DOC2B: variants seen among roughly 807,000 people sequenced by gnomAD.
The protein encoded by DOC2B is double C2 domain beta.
Under a neutral mutation model 28.9 loss-of-function variants are expected in DOC2B, and 21 were observed. The ratio of observed to expected loss-of-function variants is 0.73; its 90% CI spans 0.52 to 1.05. The LOEUF (loss-of-function observed/expected upper bound fraction) is 1.05. DOC2B is among the 50% of genes least tolerant of loss of function. The pLI, the probability that DOC2B is intolerant of heterozygous loss-of-function variation, is 0.00. For missense variants in DOC2B, 384 were observed against 421.1 expected (o/e 0.91, Z 0.77); for synonymous variants, 194 against 178.1 (o/e 1.09, Z -0.71).
chr17:169,734 C>G (rs1038532723), intron 2 of DOC2B, among the ~76,000 whole-genome samples: 2 of 151,976 alleles, frequency 1.3e-5, no homozygotes, highest in East Asian at 1.9e-4. Context: ...CAGCCCCCAC[C>G]CTGGCCCTCC....
Position 180,590 on chromosome 17 carries a change from G to A in DOC2B, c.373+517C>T, listed in dbSNP as rs997001313. Reference sequence around the variant, plus strand: ...GCCAGCAAAGCAGCTGCGCTCTGCGGGCCGCCGGGACCACGCGGGAGGCCG... The same window carrying A: ...GCCAGCAAAGCAGCTGCGCTCTGCGAGCCGCCGGGACCACGCGGGAGGCCG... On this transcript the variant is annotated intron_variant, in intron 1 of 8. Transcript: ENST00000613549. Among the ~76,000 whole-genome samples, 9 of 152,228 alleles carry A rather than the reference G, an allele frequency of 5.9e-5. No homozygotes were observed. The East Asian group carries it at 1.5e-3, about 26-fold the overall frequency.
intron 2 of DOC2B, among the ~76,000 whole-genome samples, chr17:172,289 G>A (rs1189461534): frequency 2.0e-5 from 3 of 151,808 alleles, no homozygotes; most frequent in African/African-American, 4.8e-5. Context: ...CCTCGGTCCA[G>A]GCCTTCATCT....
intron 5 of DOC2B, among the ~76,000 whole-genome samples, chr17:157,236 G>C (rs915536746): frequency 2.6e-5 from 4 of 152,166 alleles, no homozygotes; most frequent in Non-Finnish European, 5.9e-5. Context: ...ACACCTTTGC[G>C]CACCCTTAAT....
At chr17:155,496 C>T (rs750341505) in intron 6 of DOC2B, among the ~76,000 whole-genome samples, 2 of 152,162 alleles carry the variant, frequency 1.3e-5, no homozygotes, top group Non-Finnish European at 2.9e-5. Flanking sequence ...TTCTGCTGAA[C>T]TAAATTCCTC....
intron 6 of DOC2B, 57 bp downstream of exon 6, chr17:156,163 G>A: frequency 6.7e-7 from 1 of 1,487,438 alleles, no homozygotes; most frequent in South Asian, 1.3e-5. Context: ...CCGGCACACG[G>A]ACCCCCGTCC....
At position 143,820 on chromosome 17, in the gene DOC2B, G is replaced by A. The variant is rs2040000105; in HGVS notation, c.*3621C>T. 1 of 152,270 alleles carries A rather than the reference G, an allele frequency of 6.6e-6. No individual in the cohort carries two copies. Among genetic ancestry groups the A allele is most frequent in the African/African-American group, 2.4e-5 (1 of 41,470 alleles). The allele number at this position is 152,270 out of a possible 1,614,324, so 9.4% of individuals were successfully genotyped here. On this transcript the variant is annotated 3_prime_UTR_variant, in exon 9 of 9. Transcript: ENST00000613549. Reference sequence around the variant, plus strand: ...AAACTTGTCTGTGGGACTGCAGTTTGAGGACAGTGTCTGCAGCCGTCACAT... The same window carrying A: ...AAACTTGTCTGTGGGACTGCAGTTTAAGGACAGTGTCTGCAGCCGTCACAT...
chr17:161,392 A>T, intron 5 of DOC2B, 23 bp downstream of exon 5: 1 of 1,551,156 alleles, frequency 6.4e-7, no homozygotes, highest in Non-Finnish European at 8.7e-7. Flanking sequence ...GGTACACAGC[A>T]GGTGCTCAAT....
chr17:160,018 CTT>C (rs2040182329), intron 5 of DOC2B, among the ~76,000 whole-genome samples: 1 of 144,756 alleles, frequency 6.9e-6, no homozygotes, highest in Non-Finnish European at 1.5e-5. Context: ...TGCTCTTGCT[CTT>C]GTCACCCAGG....
chr17:170,849 GCACC>G (rs2151352897), intron 2 of DOC2B, among the ~76,000 whole-genome samples: 1 of 74,016 alleles, frequency 1.4e-5, no homozygotes, highest in Non-Finnish European at 3.0e-5. Flanking sequence ...GCAGAGGGCA[GCACC>G]AGGGGCCGGG....
At chr17:149,664 C>A (rs900488863) in intron 6 of DOC2B, among the ~76,000 whole-genome samples, 16 of 152,040 alleles carry the variant, frequency 1.1e-4, no homozygotes, top group Non-Finnish European at 1.9e-4. Flanking sequence ...TGCCGCCATG[C>A]GCAGGTAATT....
At chr17:150,747 C>T (rs936006590) in intron 6 of DOC2B, among the ~76,000 whole-genome samples, 8 of 152,192 alleles carry the variant, frequency 5.3e-5, no homozygotes, top group Non-Finnish European at 1.5e-5. Context: ...TTTCTACCAT[C>T]ACCAAAAATT....
chr17:163,718 C>T (rs777162711), intron 3 of DOC2B: 3 of 176,984 alleles, frequency 1.7e-5, no homozygotes, highest in Non-Finnish European at 3.6e-5. Context: ...CCCATCAACA[C>T]GTTAGATGCT....
Position 164,244 on chromosome 17 carries a change from G to A in DOC2B, c.454-40C>T, listed in dbSNP as rs771255237. 10 of 1,478,142 alleles carry A rather than the reference G, an allele frequency of 6.8e-6. No individual in the cohort carries two copies. In the South Asian group the frequency reaches 8.5e-5, roughly 13 times the overall value. 91.6% of individuals were successfully genotyped at this position (1,478,142 alleles called of 1,614,324 possible). A position where few individuals can be genotyped will look rare whatever the true frequency, so the allele number is the denominator to read the frequency against. On this transcript the variant is annotated intron_variant, in intron 2 of 8. Coordinates refer to ENST00000613549, the MANE Select transcript of DOC2B (RefSeq NM_003585.5). ...GCAAACGGTGTGAACTGGAAATCGG[G>A]GACATGGAACTGACAGGGCCTGCAG...
chr17:152,937 G>A (rs1035064363), intron 6 of DOC2B, among the ~76,000 whole-genome samples: 3 of 152,138 alleles, frequency 2.0e-5, no homozygotes, highest in Non-Finnish European at 2.9e-5. Context: ...GCTGAGGGGT[G>A]CCCCTCTTAC....
chr17:147,489 G>A lies in DOC2B; in HGVS notation c.1191C>T (p.Arg397=). The part of the protein sequence containing the change: ...CLKNKDKRIE[R]WHTLTSELPG... ...GGAGCTCGCTGGTGAGCGTGTGCCA[G>A]CGCTCGATGCGCTTGTCCTTGTTCT... Residue 397 remains arginine, a synonymous_variant, in exon 9 of 9, where the codon CGC becomes CGT. Coordinates refer to ENST00000613549, the MANE Select transcript of DOC2B (RefSeq NM_003585.5). 2.5e-6 allele frequency: 1 copy of A among 398,798 alleles called. No individual in the cohort carries two copies. Among genetic ancestry groups the A allele is most frequent in the Non-Finnish European group, 4.4e-6 (1 of 226,160 alleles). 24.7% of individuals were successfully genotyped at this position (398,798 alleles called of 1,614,324 possible). A position where few individuals can be genotyped will look rare whatever the true frequency, so the allele number is the denominator to read the frequency against.
intron 2 of DOC2B, 80 bp downstream of exon 2, chr17:172,457 G>A (rs2040323356): frequency 3.5e-6 from 4 of 1,147,898 alleles, no homozygotes; most frequent in Non-Finnish European, 5.0e-6. Context: ...CCTGGGGAGT[G>A]GTGTGGTCTG....
chr17:178,520 C>T (rs2040394912), intron 1 of DOC2B, among the ~76,000 whole-genome samples: 2 of 152,210 alleles, frequency 1.3e-5, no homozygotes, highest in African/African-American at 2.4e-5. Flanking sequence ...CCACGGCCCA[C>T]CTGGAGGGCA....
Position 155,911 on chromosome 17 carries a change from C to T in DOC2B, c.923+309G>A, listed in dbSNP as rs372238175. 346 of 378,476 alleles carry T rather than the reference C, an allele frequency of 9.1e-4. 1 individual carries two copies. The highest frequency in any genetic ancestry group is 6.8e-3 in the African/African-American group (325 of 47,900). The allele number at this position is 378,476 out of a possible 1,614,324, so 23.4% of individuals were successfully genotyped here. A position where few individuals can be genotyped will look rare whatever the true frequency, so the allele number is the denominator to read the frequency against. ...GCACTGGCCCCGCCTTCTGTCCCCT[C>T]CTGCAACTCATGGCCCCTCCTGGGC... On this transcript the variant is annotated intron_variant, in intron 6 of 8. Transcript: ENST00000613549.
At chr17:175,959 C>T (rs2040365256) in intron 1 of DOC2B, among the ~76,000 whole-genome samples, 1 of 152,336 alleles carries the variant, frequency 6.6e-6, no homozygotes, top group East Asian at 1.9e-4. Flanking sequence ...CTTTGAACTC[C>T]ACTGGAAGGT....
Sources: gnomAD v4.1 joint callset for allele counts (sites outside exome capture counted in the v4.1 genomes callset) on GRCh38, gnomAD v4.1.1 for gene constraint, MANE v1.5 for transcripts, NCBI Gene and HGNC (gene_info 2026-07-23, HGNC 2026-07-21) for gene names.